CSMD1: variants seen among roughly 807,000 people sequenced by gnomAD.
CSMD1 encodes CUB and Sushi multiple domains 1, also known as CUB and sushi domain-containing protein 1.
CSMD1 carries 213 observed loss-of-function variants against 417.5 expected under a neutral mutation model. That is an observed-to-expected ratio of 0.51 (90% CI 0.46 to 0.57). CSMD1 has a LOEUF of 0.57. CSMD1 is among the 20% of genes least tolerant of loss of function. The probability of loss-of-function intolerance (pLI) is 0.00; values close to 1 mark genes in which losing one functional copy is unlikely to be tolerated. For synonymous variants in CSMD1, 2,862 were observed against 1,736.8 expected, an observed-to-expected ratio of 1.65 and a Z score of -16.11; for missense variants, 6,923 against 4,529.7, an observed-to-expected ratio of 1.53 and a Z score of -15.17.
At chr8:4,586,366 G>T (rs980247237) in intron 2 of CSMD1, among the ~76,000 whole-genome samples, 1 of 152,116 alleles carries the variant, frequency 6.6e-6, no homozygotes, top group East Asian at 1.9e-4. Flanking sequence ...CTCACAGAGT[G>T]TTGATTTTAA....
chr8:4,805,209 T>A (rs1798519957), intron 1 of CSMD1, among the ~76,000 whole-genome samples: 1 of 152,228 alleles, frequency 6.6e-6, no homozygotes, highest in African/African-American at 2.4e-5. Flanking sequence ...GCGATAATCA[T>A]AGTCCTAAAA....
intron 3 of CSMD1, among the ~76,000 whole-genome samples, chr8:4,042,839 A>AAAAAAG (rs1179079811): frequency 3.0e-4 from 36 of 121,792 alleles, no homozygotes; most frequent in African/African-American, 1.1e-3. Context: ...AAAAAAAAAA[A>AAAAAAG]AAAGCAGGCT....
At chr8:4,080,807 G>A (rs949950445) in intron 3 of CSMD1, among the ~76,000 whole-genome samples, 14 of 152,136 alleles carry the variant, frequency 9.2e-5, no homozygotes, top group Admixed American at 8.5e-4. Flanking sequence ...TATTTGATCA[G>A]ATAGCTAGAT....
chr8:3,737,539 T>C (rs1452360714), intron 6 of CSMD1, among the ~76,000 whole-genome samples: 1 of 152,244 alleles, frequency 6.6e-6, no homozygotes, highest in African/African-American at 2.4e-5. Flanking sequence ...GGTTTCTTTT[T>C]ACCAATCTCC....
intron 3 of CSMD1, among the ~76,000 whole-genome samples, chr8:4,198,461 T>G (rs143394134): frequency 1.3e-5 from 2 of 152,166 alleles, no homozygotes; most frequent in East Asian, 3.9e-4. Context: ...AAATATGGAT[T>G]TGGGGGATGA....
chr8:4,307,126 T>C (rs1410995579), intron 3 of CSMD1, among the ~76,000 whole-genome samples: 1 of 152,168 alleles, frequency 6.6e-6, no homozygotes, highest in East Asian at 1.9e-4. Flanking sequence ...TGCCTCCTTG[T>C]CTCTGTACTG....
At chr8:3,849,403 C>T (rs140466345) in intron 5 of CSMD1, among the ~76,000 whole-genome samples, 12 of 152,214 alleles carry the variant, frequency 7.9e-5, no homozygotes, top group African/African-American at 1.4e-4. Context: ...GAAGGACGGA[C>T]GAAAGGGAGT....
At chr8:3,335,008 C>T (rs1033403466) in intron 23 of CSMD1, among the ~76,000 whole-genome samples, 3 of 152,174 alleles carry the variant, frequency 2.0e-5, no homozygotes, top group African/African-American at 7.2e-5. Context: ...TGAGTTAATT[C>T]TAGGAGATGA....
At chr8:4,030,548 TG>T (rs1797290463) in intron 4 of CSMD1, among the ~76,000 whole-genome samples, 1 of 152,274 alleles carries the variant, frequency 6.6e-6, no homozygotes, top group Admixed American at 6.5e-5. Flanking sequence ...TGGGGACCCT[TG>T]GCCCGGCCCT....
chr8:4,006,823 ATTTTTTT>A (rs759780050), intron 4 of CSMD1, among the ~76,000 whole-genome samples: 2 of 95,960 alleles, frequency 2.1e-5, no homozygotes, highest in Non-Finnish European at 3.8e-5. Context: ...GACTTTTCCT[ATTTTTTT>A]TTTTTTTTTT....
At chr8:3,428,059 C>A (rs1813970330) in intron 12 of CSMD1, among the ~76,000 whole-genome samples, 1 of 152,206 alleles carries the variant, frequency 6.6e-6, no homozygotes, top group African/African-American at 2.4e-5. Context: ...TCTACCATTA[C>A]TTATATCTGA....
At chr8:3,613,962 A>G (rs906398612) in intron 8 of CSMD1, among the ~76,000 whole-genome samples, 12 of 152,052 alleles carry the variant, frequency 7.9e-5, no homozygotes, top group Non-Finnish European at 1.8e-4. Flanking sequence ...ATTGGAAAGC[A>G]AAAATTAAAA....
intron 11 of CSMD1, 56 bp from the exon 12 acceptor site, chr8:3,468,880 C>G: frequency 8.5e-7 from 1 of 1,178,824 alleles, no homozygotes. Context: ...ACATCGACTT[C>G]CACCTGAAAG....
intron 23 of CSMD1, among the ~76,000 whole-genome samples, chr8:3,317,657 G>A (rs1044033591): frequency 6.6e-6 from 1 of 152,196 alleles, no homozygotes; most frequent in Non-Finnish European, 1.5e-5. Context: ...GGTAGAACCA[G>A]CCTACAGTTA....
chr8:3,389,556 G>C (rs1197021972), intron 17 of CSMD1, among the ~76,000 whole-genome samples: 1 of 152,110 alleles, frequency 6.6e-6, no homozygotes, highest in East Asian at 1.9e-4. Context: ...GGTTTCTGTG[G>C]TCACTAAACA....
chr8:4,712,562 A>G (rs1163139375), intron 1 of CSMD1, among the ~76,000 whole-genome samples: 1 of 152,246 alleles, frequency 6.6e-6, no homozygotes. Flanking sequence ...GAAATAGAAG[A>G]GAACAGAAAG....
At chr8:4,634,547 G>A (rs933460152) in intron 2 of CSMD1, among the ~76,000 whole-genome samples, 42 of 152,090 alleles carry the variant, frequency 2.8e-4, no homozygotes, top group African/African-American at 9.7e-4. Context: ...ACAGCTCTAA[G>A]CAATAACTTT....
intron 2 of CSMD1, among the ~76,000 whole-genome samples, chr8:4,487,386 G>A (rs2693789): frequency 0.77 from 117,701 of 152,024 alleles, 45,677 homozygotes; most frequent in Admixed American, 0.82. Flanking sequence ...TCATTGTTCA[G>A]TTCCCATCTA....
chr8:4,492,968 G>C (rs559796909), intron 2 of CSMD1, among the ~76,000 whole-genome samples: 10 of 152,304 alleles, frequency 6.6e-5, no homozygotes, highest in African/African-American at 2.2e-4. Context: ...TTTGAGTCTA[G>C]TTAAGTCTCA....
Sources: gnomAD v4.1 joint callset for allele counts (sites outside exome capture counted in the v4.1 genomes callset) on GRCh38, gnomAD v4.1.1 for gene constraint, MANE v1.5 for transcripts, NCBI Gene and HGNC (gene_info 2026-07-23, HGNC 2026-07-21) for gene names.